The following SCAP variants were observed in gnomAD, a reference collection of about 807,000 sequenced individuals.
SCAP encodes SREBF chaperone.
SCAP carries 65 observed loss-of-function variants against 123.6 expected under a neutral mutation model. The ratio of observed to expected loss-of-function variants is 0.53; its 90% CI spans 0.43 to 0.65. The LOEUF (loss-of-function observed/expected upper bound fraction) is 0.65. Among genes scored for constraint, SCAP ranks in the 30% least tolerant of loss-of-function variants. The probability of loss-of-function intolerance (pLI) is 0.00; values close to 1 mark genes in which losing one functional copy is unlikely to be tolerated. For missense variants in SCAP, 1,398 were observed against 1,712.5 expected (o/e 0.82, Z 3.24); for synonymous variants, 740 against 726.3 (o/e 1.02, Z -0.30).
intron 1 of SCAP, among the ~76,000 whole-genome samples, chr3:47,468,972 G>A (rs117826902): frequency 6.6e-6 from 1 of 152,308 alleles, no homozygotes; most frequent in East Asian, 1.9e-4. Context: ...GTAGAATAAT[G>A]AAAACATTCT....
intron 1 of SCAP, among the ~76,000 whole-genome samples, chr3:47,445,963 C>A (rs1707024063): frequency 6.6e-6 from 1 of 150,638 alleles, no homozygotes; most frequent in African/African-American, 2.5e-5. Flanking sequence ...GCAACCTCCA[C>A]CTCCTGGGTT....
intron 2 of SCAP, among the ~76,000 whole-genome samples, chr3:47,437,790 AAG>A (rs1306549334): frequency 6.6e-6 from 1 of 152,190 alleles, no homozygotes; most frequent in East Asian, 1.9e-4. Flanking sequence ...AATTAAAAAA[AAG>A]AAAAAAAAAG....
chr3:47,472,846 C>A (rs546890813), intron 1 of SCAP, among the ~76,000 whole-genome samples: 12 of 151,988 alleles, frequency 7.9e-5, no homozygotes, highest in Admixed American at 5.3e-4. Context: ...TTTGGGAGGC[C>A]GAGGCGGGCG....
intron 1 of SCAP, among the ~76,000 whole-genome samples, chr3:47,448,200 GTT>G (rs1707124740): frequency 6.6e-6 from 1 of 151,966 alleles, no homozygotes; most frequent in South Asian, 2.1e-4. Flanking sequence ...GACTGTACAT[GTT>G]TTGTTAGATT....
chr3:47,466,676 T>G (rs773476213), intron 1 of SCAP, among the ~76,000 whole-genome samples: 1 of 152,024 alleles, frequency 6.6e-6, no homozygotes, highest in African/African-American at 2.4e-5. Flanking sequence ...GAGCTAAAAC[T>G]GTAAAGCCCT....
rs1220663290 is a variant in SCAP, at chr3:47,413,731, A to AATATT, written c.*118_*122dup. The AATATT allele has an allele frequency of 6.3e-5, 83 of 1,322,230 alleles. No individual in the cohort carries two copies. The highest frequency in any genetic ancestry group is 7.9e-5 in the Non-Finnish European group (76 of 966,864). The allele number at this position is 1,322,230 out of a possible 1,614,324, so 81.9% of individuals were successfully genotyped here. On this transcript the variant is annotated 3_prime_UTR_variant, in exon 23 of 23. Coordinates refer to ENST00000265565, the MANE Select transcript of SCAP (RefSeq NM_012235.4). ...ATGATATGGTTTTTTAAAAAAGTTTAATATTATTACAGTCAGGAGGCAGCG... is the reference window on the plus strand; with the variant it reads ...ATGATATGGTTTTTTAAAAAAGTTTAATATTATATTATTACAGTCAGGAGGCAGCG...
At position 47,475,818 on chromosome 3, in the gene SCAP, CA is replaced by C. The variant is rs1708248652; in HGVS notation, c.-119del. On this transcript the variant is annotated 5_prime_UTR_variant, in exon 1 of 23. Coordinates refer to ENST00000265565, the MANE Select transcript of SCAP (RefSeq NM_012235.4). ...CGGTACCTGTGGTGGCAGCACCTCC[CA>C]AGCTGCGGCGGCGGCGGCGGCGGCG... 1 of 158,102 alleles carries C rather than the reference CA, an allele frequency of 6.3e-6. No homozygotes were observed. The highest frequency in any genetic ancestry group is 2.4e-5 in the African/African-American group (1 of 41,222). The allele number at this position is 158,102 out of a possible 1,614,324, so 9.8% of individuals were successfully genotyped here.
chr3:47,431,312 A>C (rs572395450), intron 3 of SCAP, among the ~76,000 whole-genome samples: 66 of 2,130 alleles, frequency 0.031, no homozygotes, highest in Admixed American at 0.091. Context: ...TGAATTTTTA[A>C]ATAATTTAGG....
At chr3:47,418,047 G>T in intron 16 of SCAP, 87 bp downstream of exon 16, 3 of 945,710 alleles carry the variant, frequency 3.2e-6, no homozygotes, top group South Asian at 2.8e-5. Flanking sequence ...TACCTCGGAG[G>T]AAGAAAGGAG....
At chr3:47,474,610 C>T (rs956272658) in intron 1 of SCAP, among the ~76,000 whole-genome samples, 5 of 152,020 alleles carry the variant, frequency 3.3e-5, no homozygotes, top group African/African-American at 7.2e-5. Context: ...GCCTGGGCAA[C>T]ACAGCAAGAC....
At chr3:47,425,058 GA>G (rs1025556177) in intron 8 of SCAP, among the ~76,000 whole-genome samples, 5 of 149,666 alleles carry the variant, frequency 3.3e-5, no homozygotes, top group East Asian at 1.9e-4. Flanking sequence ...TTCTAATCAT[GA>G]AAAAAAAAAT....
chr3:47,438,705 T>C (rs1706682184), intron 2 of SCAP, among the ~76,000 whole-genome samples: 5 of 151,618 alleles, frequency 3.3e-5, no homozygotes, highest in Admixed American at 3.3e-4. Context: ...TCCTAGCTAC[T>C]CGGGCAGCTG....
Position 47,424,649 on chromosome 3 carries a change from CGAAG to C in SCAP, c.1038-608_1038-605del, listed in dbSNP as rs140088473. ...CCTTGCAGGACCTCTGCTTTGGAGC[CGAAG>C]GAAGGGAGGGCCCTGTGAAGGGTAT... On this transcript the variant is annotated intron_variant, in intron 8 of 22. Transcript: ENST00000265565. Among the ~76,000 whole-genome samples the C allele has an allele frequency of 2.9e-3, 441 of 152,230 alleles. 2 individuals are homozygous for C. Among genetic ancestry groups the C allele is most frequent in the African/African-American group, 1.0e-2 (414 of 41,524 alleles).
rs751343503 is a variant in SCAP, at chr3:47,423,968, G to A, written c.1115C>T (p.Pro372Leu). ...CCGCAGCTTCACCTCCAGGTCTACC[G>A]GGGTTGAGACCACAGACTTGGTGAG... ...LVLTKSVVST[P>L]VDLEVKLRIA... The change falls in exon 9 of 23, where the codon CCG becomes CTG. Residue 372 changes from proline (P) to leucine (L), a missense_variant. Physicochemically the swap from Pro to Leu is moderately conservative, Grantham distance 98 (BLOSUM62 -3). Transcript: ENST00000265565. 9.9e-6 allele frequency: 16 copies of A among 1,614,102 alleles called. No individual in the cohort carries two copies. The highest frequency in any genetic ancestry group is 1.3e-5 in the Non-Finnish European group (15 of 1,179,964).
intron 1 of SCAP, among the ~76,000 whole-genome samples, chr3:47,463,640 G>C (rs907727540): frequency 6.6e-6 from 1 of 152,142 alleles, no homozygotes; most frequent in Non-Finnish European, 1.5e-5. Flanking sequence ...AGAGGTTGCA[G>C]TGAGCTGAGA....
chr3:47,422,062 C>G (rs1705926565), intron 10 of SCAP, among the ~76,000 whole-genome samples: 1 of 152,264 alleles, frequency 6.6e-6, no homozygotes, highest in African/African-American at 2.4e-5. Flanking sequence ...CCCCACGGTG[C>G]TTCTCCCTCA....
In SCAP at chr3:47,443,086, A is replaced by C; in HGVS notation, c.-93T>G. ...AGCACTGACAAAGAACAACATGTGC[A>C]GGTACCTGGTAAGAAGGGAGAAAAG... On this transcript the variant is annotated 5_prime_UTR_variant, in exon 2 of 23. Transcript: ENST00000265565. 6.3e-7 allele frequency: 1 copy of C among 1,581,230 alleles called. No homozygotes were observed. Among genetic ancestry groups the C allele is most frequent in the Non-Finnish European group, 8.6e-7 (1 of 1,163,004 alleles).
chr3:47,418,190 G>C lies in SCAP; in HGVS notation c.2391C>G (p.His797Gln). 6.3e-7 allele frequency: 1 copy of C among 1,575,560 alleles called. No individual in the cohort carries two copies. Among genetic ancestry groups the C allele is most frequent in the Non-Finnish European group, 8.6e-7 (1 of 1,161,238 alleles). The change falls in exon 16 of 23, where the codon CAC (histidine) becomes CAG (glutamine). Residue 797 changes from histidine to glutamine, a missense_variant. Physicochemically the swap from His to Gln is conservative, Grantham distance 24 (BLOSUM62 0). Transcript: ENST00000265565. ...CGGTCTGCGCGTCCCACACGCAGACGTGGCCTGCCAGGCAGCAGCTCACCA... is the reference window on the plus strand; with the variant it reads ...CGGTCTGCGCGTCCCACACGCAGACCTGGCCTGCCAGGCAGCAGCTCACCA... Reference protein sequence around the residue: ...MLLVSCCLAGHVCVWDAQTGD... With the variant: ...MLLVSCCLAGQVCVWDAQTGD...
chr3:47,448,866 A>G (rs1193480805), intron 1 of SCAP, among the ~76,000 whole-genome samples: 4 of 152,112 alleles, frequency 2.6e-5, no homozygotes, highest in South Asian at 2.1e-4. Context: ...TTTTCCCCTT[A>G]TGATTTTCCT....
Sources: gnomAD v4.1 joint callset for allele counts (sites outside exome capture counted in the v4.1 genomes callset) on GRCh38, gnomAD v4.1.1 for gene constraint, MANE v1.5 for transcripts, NCBI Gene and HGNC (gene_info 2026-07-23, HGNC 2026-07-21) for gene names.